The following ANO4 variants were observed in gnomAD, a reference collection of about 807,000 sequenced individuals.
ANO4 encodes anoctamin 4.
ANO4 carries 69 observed loss-of-function variants against 141.9 expected under a neutral mutation model. The ratio of observed to expected loss-of-function variants is 0.49; its 90% CI spans 0.40 to 0.59. The LOEUF (loss-of-function observed/expected upper bound fraction) is 0.59, where lower values mean the gene tolerates loss of function less well. Among genes scored for constraint, ANO4 ranks in the 20% least tolerant of loss-of-function variants. The pLI is 0.00. For missense variants in ANO4, 894 were observed against 1,162.2 expected (o/e 0.77, Z 3.36); for synonymous variants, 350 against 394.3 (o/e 0.89, Z 1.33).
At chr12:101,032,194 G>T (rs1593069722) in intron 9 of ANO4, among the ~76,000 whole-genome samples, 1 of 152,044 alleles carries the variant, frequency 6.6e-6, no homozygotes, top group South Asian at 2.1e-4. Flanking sequence ...CTACAAGGCT[G>T]CAGTAACCAA....
chr12:100,930,358 A>G (rs1390633221), intron 3 of ANO4, among the ~76,000 whole-genome samples: 2 of 152,082 alleles, frequency 1.3e-5, no homozygotes, highest in Non-Finnish European at 2.9e-5. Flanking sequence ...TGATTTTTGT[A>G]TATGGTGAGA....
intron 3 of ANO4, among the ~76,000 whole-genome samples, chr12:100,935,841 G>GT (rs1424440826): frequency 4.6e-5 from 7 of 151,912 alleles, no homozygotes; most frequent in African/African-American, 1.7e-4. Flanking sequence ...GAGAATCAAT[G>GT]TAAGTTTGAA....
chr12:100,901,700 G>C lies in ANO4; in HGVS notation c.-86G>C, dbSNP rs913382903. Reference sequence around the variant, plus strand: ...AAGCGTTTGCAAATCCATCAACGGCGAAGTGTGGCAAGCCGCCCAGCGTCA... The same window carrying C: ...AAGCGTTTGCAAATCCATCAACGGCCAAGTGTGGCAAGCCGCCCAGCGTCA... On this transcript the variant is annotated 5_prime_UTR_variant, in exon 2 of 28. Coordinates refer to ENST00000392977, the MANE Select transcript of ANO4 (RefSeq NM_001286615.2). 8.3e-7 allele frequency: 1 copy of C among 1,205,414 alleles called. No individual in the cohort carries two copies. The highest frequency in any genetic ancestry group is 2.3e-5 in the East Asian group (1 of 42,990). 74.7% of individuals were successfully genotyped at this position (1,205,414 alleles called of 1,614,324 possible).
intron 22 of ANO4, among the ~76,000 whole-genome samples, chr12:101,106,214 G>T (rs970651159): frequency 3.3e-5 from 5 of 151,946 alleles, no homozygotes; most frequent in Admixed American, 3.3e-4. Flanking sequence ...CCAGAGAAAA[G>T]AACAGAAAAA....
intron 1 of ANO4, among the ~76,000 whole-genome samples, chr12:100,829,046 CT>C (rs1316083868): frequency 1.3e-5 from 2 of 151,304 alleles, no homozygotes; most frequent in Admixed American, 1.3e-4. Context: ...TTAATTTAAA[CT>C]TTGATCTTAG....
chr12:100,930,586 AAT>A (rs199816358), intron 3 of ANO4, among the ~76,000 whole-genome samples: 5 of 145,674 alleles, frequency 3.4e-5, no homozygotes, highest in Non-Finnish European at 7.7e-5. Flanking sequence ...GTTTTAAATG[AAT>A]ATTTTTTTTA....
intron 5 of ANO4, among the ~76,000 whole-genome samples, chr12:100,955,829 G>A (rs750118837): frequency 2.0e-5 from 3 of 152,156 alleles, no homozygotes; most frequent in Non-Finnish European, 2.9e-5. Context: ...AAGTAGAAGG[G>A]CATGGCATTC....
chr12:100,978,563 G>A (rs1486766518), intron 7 of ANO4, among the ~76,000 whole-genome samples: 1 of 152,158 alleles, frequency 6.6e-6, no homozygotes, highest in African/African-American at 2.4e-5. Flanking sequence ...CTGTTACAAA[G>A]TTCTTCTTTA....
At chr12:100,861,312 T>C (rs999612452) in intron 1 of ANO4, among the ~76,000 whole-genome samples, 5 of 152,186 alleles carry the variant, frequency 3.3e-5, no homozygotes, top group African/African-American at 1.2e-4. Flanking sequence ...ACCTAGATGG[T>C]ATAGCCTACT....
chr12:100,836,531 C>A (rs561649031), intron 1 of ANO4, among the ~76,000 whole-genome samples: 1 of 148,934 alleles, frequency 6.7e-6, no homozygotes. Context: ...GTGATGTTCC[C>A]CTTCCTGTGT....
intron 3 of ANO4, among the ~76,000 whole-genome samples, chr12:100,755,423 G>A (rs1282316502): frequency 2.0e-5 from 3 of 152,296 alleles, no homozygotes; most frequent in East Asian, 1.9e-4. Flanking sequence ...ATAGTTGAGT[G>A]TGTATCTCTG....
At chr12:101,095,611 C>T (rs1022717043) in intron 18 of ANO4, among the ~76,000 whole-genome samples, 1 of 152,188 alleles carries the variant, frequency 6.6e-6, no homozygotes, top group Non-Finnish European at 1.5e-5. Context: ...CTTCCCTTCT[C>T]AGACATGCTC....
intron 7 of ANO4, among the ~76,000 whole-genome samples, chr12:100,976,398 C>T (rs188398885): frequency 1.3e-5 from 2 of 152,326 alleles, no homozygotes; most frequent in African/African-American, 4.8e-5. Flanking sequence ...AGCTTATTGG[C>T]AGTTCTTTCA....
At chr12:101,040,114 A>C in intron 11 of ANO4, 38 bp downstream of exon 11, 1 of 1,572,692 alleles carries the variant, frequency 6.4e-7, no homozygotes, top group Non-Finnish European at 8.7e-7. Flanking sequence ...AAGCTTGCAC[A>C]GAATGATTAG....
intron 14 of ANO4, among the ~76,000 whole-genome samples, chr12:101,072,068 G>A (rs538530122): frequency 1.3e-5 from 2 of 152,242 alleles, no homozygotes; most frequent in South Asian, 4.1e-4. Context: ...AGTAAAGTTA[G>A]CTGCTATAAT....
chr12:100,741,203 G>A (rs187944751), intron 3 of ANO4, among the ~76,000 whole-genome samples: 26 of 151,666 alleles, frequency 1.7e-4, no homozygotes, highest in Non-Finnish European at 2.8e-4. Flanking sequence ...AGCACTTAGA[G>A]GTAATGGTTT....
chr12:100,919,670 CTGTGTGTGTG>C (rs63330161), intron 2 of ANO4, among the ~76,000 whole-genome samples: 139 of 139,812 alleles, frequency 9.9e-4, no homozygotes, highest in African/African-American at 3.6e-3. Context: ...GGACATGTCT[CTGTGTGTGTG>C]TGTGTGTGTG....
intron 3 of ANO4, among the ~76,000 whole-genome samples, chr12:100,928,037 G>C (rs1371078896): frequency 6.6e-6 from 1 of 152,054 alleles, no homozygotes; most frequent in Non-Finnish European, 1.5e-5. Flanking sequence ...TGTGGCTGAG[G>C]AGACTGAGTC....
intron 2 of ANO4, among the ~76,000 whole-genome samples, chr12:100,919,936 C>T (rs1027072699): frequency 1.3e-5 from 2 of 151,314 alleles, no homozygotes; most frequent in Non-Finnish European, 2.9e-5. Flanking sequence ...TCTATACTGC[C>T]CTCTCACATT....
Sources: gnomAD v4.1 joint callset for allele counts (sites outside exome capture counted in the v4.1 genomes callset) on GRCh38, gnomAD v4.1.1 for gene constraint, MANE v1.5 for transcripts, NCBI Gene and HGNC (gene_info 2026-07-23, HGNC 2026-07-21) for gene names.